The following RARB variants were observed in gnomAD, a reference collection of about 807,000 sequenced individuals.
RARB encodes the protein retinoic acid receptor beta.
Under a neutral mutation model 51.9 loss-of-function variants are expected in RARB, and 17 were observed. That is an observed-to-expected ratio of 0.33 (90% confidence interval 0.22 to 0.49). The LOEUF is 0.49. RARB is among the 20% of genes least tolerant of loss of function. The pLI is 0.99. For synonymous variants in RARB, 215 were observed against 195.4 expected, an observed-to-expected ratio of 1.10 and a Z score of -0.84; for missense variants, 369 against 550.8, an observed-to-expected ratio of 0.67 and a Z score of 3.30.
intron 5 of RARB, among the ~76,000 whole-genome samples, chr3:25,318,055 A>G (rs886441196): frequency 3.9e-5 from 6 of 152,234 alleles, no homozygotes; most frequent in Non-Finnish European, 5.9e-5. Flanking sequence ...TCAACTGAGC[A>G]TGAGTTCCTC....
chr3:25,399,239 T>A (rs1707201529), intron 5 of RARB, among the ~76,000 whole-genome samples: 1 of 152,220 alleles, frequency 6.6e-6, no homozygotes, highest in Non-Finnish European at 1.5e-5. Context: ...AGTTAAAAGT[T>A]TAATAACTAT....
At chr3:25,256,844 A>C (rs1311712701) in intron 5 of RARB, among the ~76,000 whole-genome samples, 1 of 149,564 alleles carries the variant, frequency 6.7e-6, no homozygotes. Context: ...TGAAGATAAG[A>C]GGTGGCACAG....
chr3:25,084,331 G>A (rs1363389951), intron 3 of RARB, among the ~76,000 whole-genome samples: 1 of 151,938 alleles, frequency 6.6e-6, no homozygotes, highest in Non-Finnish European at 1.5e-5. Flanking sequence ...GTTTTGTCCA[G>A]ATTTATAGTT....
At chr3:25,244,885 A>G (rs371946234) in intron 5 of RARB, among the ~76,000 whole-genome samples, 27 of 148,548 alleles carry the variant, frequency 1.8e-4, no homozygotes, top group African/African-American at 5.4e-4. Flanking sequence ...TTCTGTCTCA[A>G]TCTAATATTG....
chr3:25,404,742 G>A (rs1296345666), intron 5 of RARB, among the ~76,000 whole-genome samples: 2 of 152,156 alleles, frequency 1.3e-5, no homozygotes, highest in Non-Finnish European at 2.9e-5. Context: ...TTCTTGTGAT[G>A]TAGTTAGACT....
intron 3 of RARB, among the ~76,000 whole-genome samples, chr3:25,532,302 G>A (rs777386628): frequency 3.3e-5 from 5 of 152,104 alleles, no homozygotes; most frequent in Non-Finnish European, 7.3e-5. Context: ...CATTTATTCA[G>A]CAGTGCTTAA....
At chr3:24,965,400 T>C (rs182115724) in intron 2 of RARB, among the ~76,000 whole-genome samples, 1 of 152,282 alleles carries the variant, frequency 6.6e-6, no homozygotes, top group African/African-American at 2.4e-5. Context: ...TCTCAGTCTA[T>C]GGAAAAAGTA....
chr3:25,518,323 C>T (rs558091688), intron 3 of RARB, among the ~76,000 whole-genome samples: 8 of 151,976 alleles, frequency 5.3e-5, no homozygotes, highest in South Asian at 4.2e-4. Flanking sequence ...ACAAGACTCT[C>T]GGTGTCCACA....
chr3:25,149,105 C>T (rs1700241533), intron 4 of RARB, among the ~76,000 whole-genome samples: 1 of 152,072 alleles, frequency 6.6e-6, no homozygotes, highest in African/African-American at 2.4e-5. Context: ...CACTCTTGAG[C>T]AGGGGGAGAA....
At chr3:25,591,721 C>T (rs1010184254) in intron 5 of RARB, among the ~76,000 whole-genome samples, 5 of 152,140 alleles carry the variant, frequency 3.3e-5, no homozygotes, top group Admixed American at 2.6e-4. Context: ...CTTACTCATT[C>T]AGTTTTCCTC....
At chr3:25,030,438 G>A (rs1328458263) in intron 2 of RARB, among the ~76,000 whole-genome samples, 2 of 152,146 alleles carry the variant, frequency 1.3e-5, no homozygotes, top group Non-Finnish European at 2.9e-5. Flanking sequence ...CATAGATTTG[G>A]TTTTGGTTTA....
chr3:25,170,707 T>C (rs1700629774), intron 4 of RARB, among the ~76,000 whole-genome samples: 1 of 152,206 alleles, frequency 6.6e-6, no homozygotes, highest in African/African-American at 2.4e-5. Context: ...TCAAATGTTA[T>C]TTTAAAAATG....
intron 1 of RARB, among the ~76,000 whole-genome samples, chr3:24,851,627 C>G (rs1041333411): frequency 2.0e-5 from 3 of 152,108 alleles, no homozygotes; most frequent in South Asian, 4.1e-4. Flanking sequence ...TTTAAGCACT[C>G]AAACATGAAT....
intron 5 of RARB, among the ~76,000 whole-genome samples, chr3:25,374,611 C>T (rs1706401220): frequency 6.6e-6 from 1 of 152,024 alleles, no homozygotes; most frequent in Admixed American, 6.6e-5. Context: ...CATCTCAAGT[C>T]TCAATCTCCT....
intron 5 of RARB, among the ~76,000 whole-genome samples, chr3:25,317,719 C>T (rs1448164908): frequency 2.6e-5 from 4 of 152,172 alleles, no homozygotes; most frequent in South Asian, 2.1e-4. Context: ...AGAGATCATT[C>T]GAGAAAATAA....
chr3:25,040,244 A>C (rs1487865374), intron 2 of RARB, among the ~76,000 whole-genome samples: 3 of 152,214 alleles, frequency 2.0e-5, no homozygotes, highest in African/African-American at 7.2e-5. Flanking sequence ...GAGACCTGCT[A>C]TTCAGTTTTG....
chr3:25,108,798 T>A (rs1575164252), intron 3 of RARB, among the ~76,000 whole-genome samples: 6 of 152,354 alleles, frequency 3.9e-5, no homozygotes, highest in Admixed American at 3.9e-4. Flanking sequence ...TGCATTTTTT[T>A]ATAATTAAGC....
intron 3 of RARB, among the ~76,000 whole-genome samples, chr3:25,510,817 A>C (rs1485855780): frequency 6.6e-6 from 1 of 152,218 alleles, no homozygotes; most frequent in Admixed American, 6.5e-5. Context: ...TTTTATTACC[A>C]ATGAGAAAAA....
At chr3:25,464,738 T>C (rs1387765088) in intron 2 of RARB, among the ~76,000 whole-genome samples, 1 of 152,014 alleles carries the variant, frequency 6.6e-6, no homozygotes, top group African/African-American at 2.4e-5. Flanking sequence ...AAATAGAAAA[T>C]TAAAACAACC....
Sources: allele counts gnomAD v4.1 joint callset (sites outside exome capture counted in the v4.1 genomes callset), GRCh38; gene constraint gnomAD v4.1.1; transcripts MANE v1.5; gene names NCBI Gene and HGNC (gene_info 2026-07-23, HGNC 2026-07-21).